Variants in LRRFIP2 observed in about 807,000 individuals in gnomAD.
LRRFIP2 encodes the protein leucine-rich repeat flightless-interacting protein 2.
In LRRFIP2, 109 loss-of-function variants were observed where a neutral mutation model predicts 125.9. That is an observed-to-expected ratio of 0.87 (90% CI 0.74 to 1.01). The LOEUF is 1.01. LRRFIP2 is among the 50% of genes least tolerant of loss of function. The pLI is 0.00. For synonymous variants in LRRFIP2, 291 were observed against 293.1 expected, an observed-to-expected ratio of 0.99 and a Z score of 0.07; for missense variants, 850 against 862.3, an observed-to-expected ratio of 0.99 and a Z score of 0.18.
At chr3:37,137,063 G>A in intron 2 of LRRFIP2, among the ~76,000 whole-genome samples, 1 of 151,744 alleles carries the variant, frequency 6.6e-6, no homozygotes, top group Non-Finnish European at 1.5e-5. Flanking sequence ...GACCTCCCAG[G>A]CTCAAGTGAT....
At chr3:37,056,306 C>A (rs2086840689) in intron 25 of LRRFIP2, among the ~76,000 whole-genome samples, 1 of 152,128 alleles carries the variant, frequency 6.6e-6, no homozygotes, top group South Asian at 2.1e-4. Context: ...AAATCAGTCT[C>A]TGGCATGATT....
intron 1 of LRRFIP2, chr3:37,174,313 A>G (rs1382677378): frequency 1.3e-5 from 2 of 152,238 alleles, no homozygotes; most frequent in Non-Finnish European, 2.9e-5. Context: ...ACATTTTTAA[A>G]GTCAAAAATG....
intron 1 of LRRFIP2, among the ~76,000 whole-genome samples, chr3:37,150,043 T>C (rs2095975313): frequency 4.0e-5 from 6 of 151,130 alleles, no homozygotes; most frequent in East Asian, 1.9e-4. Flanking sequence ...CCCACAACCA[T>C]ATAAAAGAAA....
At chr3:37,107,838 A>C (rs2094400516) in intron 13 of LRRFIP2, among the ~76,000 whole-genome samples, 2 of 152,232 alleles carry the variant, frequency 1.3e-5, no homozygotes, top group African/African-American at 4.8e-5. Flanking sequence ...AAAACTTTAA[A>C]AATTCTAATG....
chr3:37,075,015 T>C lies in LRRFIP2; in HGVS notation c.1371+9A>G, dbSNP rs766796967. On this transcript the variant is annotated intron_variant, in intron 20 of 27. Transcript: ENST00000336686. ...CAAAATTAAGTATTCCCACAGTTCA[T>C]GTACATACCTCAATAAGCTCATCTC... 9.4e-6 allele frequency: 15 copies of C among 1,599,056 alleles called. No individual in the cohort carries two copies. The highest frequency in any genetic ancestry group is 9.4e-5 in the African/African-American group (7 of 74,648).
At chr3:37,165,500 T>A (rs967373069) in intron 1 of LRRFIP2, among the ~76,000 whole-genome samples, 1 of 152,012 alleles carries the variant, frequency 6.6e-6, no homozygotes, top group African/African-American at 2.4e-5. Context: ...CTAACGCCTA[T>A]AATCCCAGCA....
At chr3:37,110,151 G>A (rs969501902) in intron 9 of LRRFIP2, among the ~76,000 whole-genome samples, 3 of 152,154 alleles carry the variant, frequency 2.0e-5, no homozygotes, top group African/African-American at 7.2e-5. Flanking sequence ...AGATAAATAA[G>A]CTCCAAGTTA....
intron 19 of LRRFIP2, among the ~76,000 whole-genome samples, chr3:37,078,561 G>A (rs979971924): frequency 6.6e-6 from 1 of 152,110 alleles, no homozygotes; most frequent in African/African-American, 2.4e-5. Flanking sequence ...CTAGAGTCCT[G>A]CATGTGAACT....
At chr3:37,123,211 C>T (rs553989880) in intron 4 of LRRFIP2, among the ~76,000 whole-genome samples, 11 of 152,092 alleles carry the variant, frequency 7.2e-5, no homozygotes, top group African/African-American at 2.2e-4. Context: ...TTTTTTGAGA[C>T]GGAGTCTCGC....
chr3:37,085,555 C>CA lies in LRRFIP2; in HGVS notation c.1108-1750dup, dbSNP rs989470723. Among the ~76,000 whole-genome samples the CA allele has an allele frequency of 9.0e-5, 13 of 144,692 alleles. No homozygotes were observed. In the East Asian group the frequency reaches 1.0e-3, roughly 11 times the overall value. The allele number at this position is 144,692 out of a possible 152,430, so 94.9% of individuals were successfully genotyped here. A position where few individuals can be genotyped will look rare whatever the true frequency, so the allele number is the denominator to read the frequency against. On this transcript the variant is annotated intron_variant, in intron 18 of 27. Transcript: ENST00000336686. ...CAAACAAACAAAAAGCATTATAAAC[C>CA]AAAAAAAAAGACTTCACTCAAATAT...
chr3:37,151,425 A>G (rs2096020787), intron 1 of LRRFIP2, among the ~76,000 whole-genome samples: 2 of 152,092 alleles, frequency 1.3e-5, no homozygotes, highest in Non-Finnish European at 2.9e-5. Context: ...CCCAGATACA[A>G]ATCAGAACAA....
intron 4 of LRRFIP2, among the ~76,000 whole-genome samples, chr3:37,127,347 G>T (rs968063736): frequency 1.3e-4 from 19 of 151,884 alleles, no homozygotes; most frequent in African/African-American, 4.1e-4. Flanking sequence ...AGAGAAGGGG[G>T]GAAGAAAAGA....
intron 7 of LRRFIP2, among the ~76,000 whole-genome samples, chr3:37,113,407 C>T (rs1159835175): frequency 6.6e-6 from 1 of 152,098 alleles, no homozygotes; most frequent in African/African-American, 2.4e-5. Context: ...TCCTGGACTC[C>T]TGCCACAGTC....
chr3:37,094,486 C>T (rs573983059), intron 17 of LRRFIP2, among the ~76,000 whole-genome samples: 11 of 152,268 alleles, frequency 7.2e-5, no homozygotes, highest in African/African-American at 2.4e-4. Context: ...CCATTTAAAA[C>T]ATGGCCAGTT....
At chr3:37,066,132 G>A (rs2090094978) in intron 22 of LRRFIP2, 92 bp downstream of exon 22, 1 of 1,354,400 alleles carries the variant, frequency 7.4e-7, no homozygotes, top group Non-Finnish European at 1.1e-6. Flanking sequence ...ACTGTAGTTT[G>A]TATTTAGGCT....
At position 37,096,668 on chromosome 3, in the gene LRRFIP2, A is replaced by G; in HGVS notation, c.874-8T>C. On this transcript the variant is annotated splice_polypyrimidine_tract_variant and splice_region_variant and intron_variant, in intron 15 of 27. Transcript: ENST00000336686. The stretch of plus-strand genomic sequence containing the variant: ...GTCAGATTTTTCATCCAACTAGAAA[A>G]GAACAAAGATAAAAATCAGTAAAGA... 1 of 1,537,904 alleles carries G rather than the reference A, an allele frequency of 6.5e-7. No individual in the cohort carries two copies. The highest frequency in any genetic ancestry group is 8.9e-7 in the Non-Finnish European group (1 of 1,124,284).
chr3:37,057,331 C>T (rs1414384777), intron 25 of LRRFIP2, among the ~76,000 whole-genome samples: 2 of 152,172 alleles, frequency 1.3e-5, no homozygotes, highest in African/African-American at 4.8e-5. Context: ...CTGGTTCAGG[C>T]TCACCACTGT....
chr3:37,139,480 T>C (rs1010902886), intron 2 of LRRFIP2, among the ~76,000 whole-genome samples: 4 of 152,228 alleles, frequency 2.6e-5, no homozygotes, highest in African/African-American at 4.8e-5. Flanking sequence ...CCTGTGCCAA[T>C]GTTTTCATGA....
chr3:37,053,376 T>C lies in LRRFIP2; in HGVS notation c.*475A>G, dbSNP rs2085973674. 6.5e-6 allele frequency: 1 copy of C among 152,848 alleles called. No individual in the cohort carries two copies. Among genetic ancestry groups the C allele is most frequent in the Non-Finnish European group, 1.5e-5 (1 of 68,226 alleles). 9.5% of individuals were successfully genotyped at this position (152,848 alleles called of 1,614,324 possible). A position where few individuals can be genotyped will look rare whatever the true frequency, so the allele number is the denominator to read the frequency against. ...CCGAGAACTTGTTTCTTCACTAAAA[T>C]ATAAATGTTGTCTGATATTAAGGGT... On this transcript the variant is annotated 3_prime_UTR_variant, in exon 28 of 28. Coordinates refer to ENST00000336686, the MANE Select transcript of LRRFIP2 (RefSeq NM_006309.4).
Sources: gnomAD v4.1 joint callset for allele counts (sites outside exome capture counted in the v4.1 genomes callset) on GRCh38, gnomAD v4.1.1 for gene constraint, MANE v1.5 for transcripts, NCBI Gene and HGNC (gene_info 2026-07-23, HGNC 2026-07-21) for gene names.